Variants in NR3C2 observed in about 807,000 individuals in gnomAD.
The protein encoded by NR3C2 is nuclear receptor subfamily 3 group C member 2.
A neutral mutation model predicts 86.4 loss-of-function variants in NR3C2; 15 were observed. That is an observed-to-expected ratio of 0.17 (90% CI 0.12 to 0.27). The LOEUF (loss-of-function observed/expected upper bound fraction) is 0.27, where lower values mean the gene tolerates loss of function less well. Ranked by LOEUF, NR3C2 falls within the 10% of genes least tolerant of loss-of-function variation. The pLI is 1.00. For synonymous variants in NR3C2, 458 were observed against 450.5 expected, an observed-to-expected ratio of 1.02 and a Z score of -0.21; for missense variants, 960 against 1,195.6, an observed-to-expected ratio of 0.80 and a Z score of 2.91.
At chr4:148,192,628 CAG>C (rs1736251025) in intron 4 of NR3C2, among the ~76,000 whole-genome samples, 1 of 150,610 alleles carries the variant, frequency 6.6e-6, no homozygotes, top group Non-Finnish European at 1.5e-5. Flanking sequence ...CGTCTGAGCT[CAG>C]ACTCTCCTTG....
intron 2 of NR3C2, among the ~76,000 whole-genome samples, chr4:148,417,315 G>A (rs1293074589): frequency 2.6e-5 from 4 of 152,124 alleles, no homozygotes; most frequent in African/African-American, 7.2e-5. Flanking sequence ...GTGCACACAC[G>A]TACTTCCTTC....
intron 3 of NR3C2, among the ~76,000 whole-genome samples, chr4:148,226,784 AAAT>A (rs1481981815): frequency 1.3e-5 from 2 of 152,170 alleles, no homozygotes; most frequent in South Asian, 4.1e-4. Flanking sequence ...TGGAGGTATA[AAAT>A]AGCATTTAAT....
intron 2 of NR3C2, among the ~76,000 whole-genome samples, chr4:148,296,306 C>T (rs1742054356): frequency 6.6e-6 from 1 of 151,052 alleles, no homozygotes; most frequent in South Asian, 2.1e-4. Context: ...GGAATTGACC[C>T]AAAAAAAGCA....
chr4:148,181,366 G>T (rs961817106), intron 4 of NR3C2, among the ~76,000 whole-genome samples: 3 of 152,152 alleles, frequency 2.0e-5, no homozygotes, highest in African/African-American at 7.2e-5. Flanking sequence ...AGTATCTAAT[G>T]ATACTATCTT....
intron 3 of NR3C2, among the ~76,000 whole-genome samples, chr4:148,236,547 G>C (rs994392682): frequency 6.6e-6 from 1 of 151,982 alleles, no homozygotes; most frequent in African/African-American, 2.4e-5. Flanking sequence ...AAAAAGGTCA[G>C]AAAAGTTTTG....
intron 3 of NR3C2, among the ~76,000 whole-genome samples, chr4:148,200,533 T>C (rs562007835): frequency 1.2e-4 from 19 of 152,346 alleles, no homozygotes; most frequent in African/African-American, 4.6e-4. Context: ...CCCATCTATA[T>C]CCATCAGTAC....
chr4:148,135,282 G>C (rs1733247447), intron 6 of NR3C2, among the ~76,000 whole-genome samples: 1 of 152,138 alleles, frequency 6.6e-6, no homozygotes, highest in South Asian at 2.1e-4. Context: ...TGTAGGAGGA[G>C]ATCAAGTAGT....
Position 148,215,079 on chromosome 4 carries a change from G to C in NR3C2, c.1898-20217C>G, listed in dbSNP as rs577478908. 5.9e-5 allele frequency among the ~76,000 whole-genome samples: 9 copies of C among 152,222 alleles called. No individual in the cohort carries two copies. The South Asian group carries it at 1.9e-3, about 32-fold the overall frequency. Reference sequence around the variant, plus strand: ...TAGCCTTCTATTTCCCTCCGTGTTTGGATTCTTATCTTTATGCCTAAGCAT... The same window carrying C: ...TAGCCTTCTATTTCCCTCCGTGTTTCGATTCTTATCTTTATGCCTAAGCAT... On this transcript the variant is annotated intron_variant, in intron 3 of 8. Coordinates refer to ENST00000358102, the MANE Select transcript of NR3C2 (RefSeq NM_000901.5).
chr4:148,282,098 C>G (rs1050991452), intron 2 of NR3C2, among the ~76,000 whole-genome samples: 4 of 152,046 alleles, frequency 2.6e-5, no homozygotes, highest in Non-Finnish European at 5.9e-5. Context: ...GGTGTGATCT[C>G]GGATCACTAC....
intron 3 of NR3C2, among the ~76,000 whole-genome samples, chr4:148,206,892 G>A (rs1737034845): frequency 6.6e-6 from 1 of 152,232 alleles, no homozygotes; most frequent in Middle Eastern, 3.4e-3. Context: ...ACTGGGTTAG[G>A]CAAGTTACAT....
intron 3 of NR3C2, among the ~76,000 whole-genome samples, chr4:148,237,554 G>A (rs1738804551): frequency 6.6e-6 from 1 of 151,966 alleles, no homozygotes; most frequent in Non-Finnish European, 1.5e-5. Flanking sequence ...CTTTAGTAAA[G>A]AGATTATGAT....
At chr4:148,216,772 T>C (rs903014083) in intron 3 of NR3C2, among the ~76,000 whole-genome samples, 2 of 152,208 alleles carry the variant, frequency 1.3e-5, no homozygotes, top group African/African-American at 4.8e-5. Flanking sequence ...GTATCAGACA[T>C]GGTCCTACTG....
intron 3 of NR3C2, among the ~76,000 whole-genome samples, chr4:148,217,133 C>G (rs1054194031): frequency 3.3e-5 from 5 of 152,192 alleles, no homozygotes; most frequent in Non-Finnish European, 7.3e-5. Flanking sequence ...TGACTTGTGG[C>G]AAAGCACTTA....
upstream of NR3C2, chr4:148,444,223 CGT>C: frequency 3.1e-6 from 3 of 955,290 alleles, no homozygotes; most frequent in Non-Finnish European, 3.7e-6. Flanking sequence ...AAGGAATGGA[CGT>C]GTCTCTTTTA....
intron 2 of NR3C2, among the ~76,000 whole-genome samples, chr4:148,368,940 T>G (rs1257854561): frequency 6.6e-6 from 1 of 152,222 alleles, no homozygotes; most frequent in Non-Finnish European, 1.5e-5. Context: ...CAGCTTTCCC[T>G]CTTGGCCTTT....
chr4:148,198,734 A>G (rs1015074246), intron 3 of NR3C2, among the ~76,000 whole-genome samples: 9 of 152,046 alleles, frequency 5.9e-5, no homozygotes, highest in Non-Finnish European at 1.0e-4. Context: ...AACTAAAAAA[A>G]ATTTAAAAAG....
At chr4:148,228,690 C>T (rs780046314) in intron 3 of NR3C2, among the ~76,000 whole-genome samples, 1 of 152,016 alleles carries the variant, frequency 6.6e-6, no homozygotes, top group African/African-American at 2.4e-5. Flanking sequence ...ATTCATGCAT[C>T]CAAATTTTGA....
At chr4:148,241,287 CAG>C (rs1359221284) in intron 3 of NR3C2, among the ~76,000 whole-genome samples, 6 of 82,958 alleles carry the variant, frequency 7.2e-5, no homozygotes, top group African/African-American at 3.0e-4. Flanking sequence ...GCCTGGAAGA[CAG>C]AGCAAAACTC....
intron 2 of NR3C2, among the ~76,000 whole-genome samples, chr4:148,373,767 C>T (rs1579220838): frequency 6.6e-6 from 1 of 152,010 alleles, no homozygotes; most frequent in Non-Finnish European, 1.5e-5. Flanking sequence ...CATGAGCCAC[C>T]GCGCCCGGCC....
Sources: allele counts gnomAD v4.1 joint callset (sites outside exome capture counted in the v4.1 genomes callset), GRCh38; gene constraint gnomAD v4.1.1; transcripts MANE v1.5; gene names NCBI Gene and HGNC (gene_info 2026-07-23, HGNC 2026-07-21).